Variants in COX7B2 observed in about 807,000 individuals in gnomAD.
COX7B2 encodes cytochrome c oxidase subunit 7B2.
For missense variants in COX7B2, 109 were observed against 95.9 expected (o/e 1.14, Z -0.57); for synonymous variants, 37 against 32.1 (o/e 1.15, Z -0.51).
rs554195417 is a variant in COX7B2, at chr4:46,743,166, A to G, written c.-49-7925T>C. ...TTATTTTGTTCATTATTAAACTTCA[A>G]GTAGGCCCAACACATTTCCTCAAAG... On this transcript the variant is annotated intron_variant, in intron 2 of 2. Coordinates refer to ENST00000355591, the MANE Select transcript of COX7B2 (RefSeq NM_130902.3). 1.8e-4 allele frequency among the ~76,000 whole-genome samples: 27 copies of G among 152,278 alleles called. No individual in the cohort carries two copies. In the South Asian group the frequency reaches 1.9e-3, roughly 11 times the overall value.
intron 2 of COX7B2, among the ~76,000 whole-genome samples, chr4:46,812,312 C>T (rs1245683095): frequency 6.6e-6 from 1 of 151,742 alleles, no homozygotes; most frequent in Non-Finnish European, 1.5e-5. Flanking sequence ...GTCCCAGGAG[C>T]TTGGATGTAG....
chr4:46,846,726 G>C lies in COX7B2; in HGVS notation c.-104-1712C>G, dbSNP rs1012219404. ...AGCCAGATGGTGTAGCTTTTACTGG[G>C]AATAAAACAGGAAGCATTTTTACAA... On this transcript the variant is annotated intron_variant, in intron 1 of 2. Coordinates refer to ENST00000355591, the MANE Select transcript of COX7B2 (RefSeq NM_130902.3). Among the ~76,000 whole-genome samples, 4 of 152,008 alleles carry C rather than the reference G, an allele frequency of 2.6e-5. No individual in the cohort carries two copies. In the South Asian group the frequency reaches 8.3e-4, roughly 31 times the overall value.
chr4:46,805,013 G>A (rs1281985649), intron 2 of COX7B2, among the ~76,000 whole-genome samples: 3 of 151,876 alleles, frequency 2.0e-5, no homozygotes, highest in Admixed American at 6.5e-5. Flanking sequence ...GCAAGAAGTC[G>A]AGCACAGCAG....
rs33927124 is a variant in COX7B2, at chr4:46,837,274, T to TACACAC, written c.-50+7680_-50+7685dup. Among the ~76,000 whole-genome samples the TACACAC allele has an allele frequency of 6.2e-3, 822 of 133,332 alleles. 5 individuals carry two copies. The highest frequency in any genetic ancestry group is 8.8e-3 in the African/African-American group (323 of 36,562). 87.5% of individuals were successfully genotyped at this position (133,332 alleles called of 152,430 possible). ...AATGTAGTATGAACACACAAAGACATACACACACACACACACACACACACA... is the reference window on the plus strand; with the variant it reads ...AATGTAGTATGAACACACAAAGACATACACACACACACACACACACACACACACACA... On this transcript the variant is annotated intron_variant, in intron 2 of 2. Transcript: ENST00000355591.
intron 2 of COX7B2, among the ~76,000 whole-genome samples, chr4:46,834,985 A>G (rs1319215801): frequency 6.6e-6 from 1 of 152,184 alleles, no homozygotes; most frequent in African/African-American, 2.4e-5. Flanking sequence ...ATAAACTGAT[A>G]ATTCATAAAA....
intron 2 of COX7B2, among the ~76,000 whole-genome samples, chr4:46,739,977 TTTTAA>T (rs1249874365): frequency 6.6e-6 from 1 of 152,092 alleles, no homozygotes; most frequent in Non-Finnish European, 1.5e-5. Flanking sequence ...CAATGAGAAT[TTTTAA>T]TTTATTAATA....
chr4:46,757,745 CT>C (rs1715888026), intron 2 of COX7B2, among the ~76,000 whole-genome samples: 1 of 152,082 alleles, frequency 6.6e-6, no homozygotes, highest in South Asian at 2.1e-4. Context: ...GTCTTATCCA[CT>C]GCTGTTCAGA....
At chr4:46,739,817 A>G (rs1171023968) in intron 2 of COX7B2, among the ~76,000 whole-genome samples, 8 of 152,036 alleles carry the variant, frequency 5.3e-5, no homozygotes, top group Non-Finnish European at 1.2e-4. Context: ...CAAATGCCCA[A>G]CAGATGAGCC....
At chr4:46,739,069 C>T (rs1483713696) in intron 2 of COX7B2, among the ~76,000 whole-genome samples, 3 of 151,990 alleles carry the variant, frequency 2.0e-5, no homozygotes, top group Admixed American at 2.0e-4. Flanking sequence ...TGAAGGCTAT[C>T]AAAAGAAGTA....
intron 1 of COX7B2, among the ~76,000 whole-genome samples, chr4:46,879,082 A>G (rs538860815): frequency 6.6e-6 from 1 of 152,202 alleles, no homozygotes; most frequent in African/African-American, 2.4e-5. Flanking sequence ...ATATCTGGAC[A>G]TAATGAACTA....
chr4:46,884,264 C>T (rs368429895), intron 1 of COX7B2, among the ~76,000 whole-genome samples: 6 of 152,138 alleles, frequency 3.9e-5, no homozygotes, highest in African/African-American at 1.4e-4. Context: ...CACCATAGCT[C>T]CCTGCAGCCT....
At chr4:46,874,805 G>A (rs572000126) in intron 1 of COX7B2, among the ~76,000 whole-genome samples, 89 of 152,208 alleles carry the variant, frequency 5.8e-4, no homozygotes, top group African/African-American at 2.0e-3. Flanking sequence ...TGATATTTTT[G>A]TAAGACTGAC....
At chr4:46,751,145 T>TA (rs1553879505) in intron 2 of COX7B2, among the ~76,000 whole-genome samples, 2 of 152,014 alleles carry the variant, frequency 1.3e-5, no homozygotes, top group Non-Finnish European at 2.9e-5. Flanking sequence ...ATTTTTTTTT[T>TA]AGTTTTGTTG....
intron 2 of COX7B2, among the ~76,000 whole-genome samples, chr4:46,799,738 C>T (rs923641420): frequency 1.3e-5 from 2 of 152,224 alleles, no homozygotes; most frequent in Admixed American, 1.3e-4. Flanking sequence ...TGATATGCTG[C>T]TGGATTAAAT....
At chr4:46,886,627 T>C (rs1454074667) in intron 1 of COX7B2, among the ~76,000 whole-genome samples, 2 of 152,174 alleles carry the variant, frequency 1.3e-5, no homozygotes, top group Admixed American at 6.5e-5. Context: ...TTGATATAAA[T>C]CTTAAAGTTT....
At chr4:46,838,991 G>A (rs934951547) in intron 2 of COX7B2, among the ~76,000 whole-genome samples, 8 of 151,722 alleles carry the variant, frequency 5.3e-5, no homozygotes, top group African/African-American at 1.2e-4. Flanking sequence ...TGCATTTAGC[G>A]CCTTTTCAAA....
intron 2 of COX7B2, among the ~76,000 whole-genome samples, chr4:46,841,533 C>T (rs1453298226): frequency 6.6e-6 from 1 of 151,866 alleles, no homozygotes; most frequent in Non-Finnish European, 1.5e-5. Context: ...CTTAGTAAGA[C>T]ATAATAATAT....
chr4:46,882,417 G>C (rs1205472871), intron 1 of COX7B2, among the ~76,000 whole-genome samples: 2 of 152,120 alleles, frequency 1.3e-5, no homozygotes, highest in Non-Finnish European at 2.9e-5. Flanking sequence ...CTATTATTGT[G>C]TGGGAATCTA....
chr4:46,750,920 CACAGACCCTATCTCCAAAT>C (rs2109430353), intron 2 of COX7B2, among the ~76,000 whole-genome samples: 1 of 152,264 alleles, frequency 6.6e-6, no homozygotes, highest in African/African-American at 2.4e-5. Flanking sequence ...ATCACCTCTT[CACAGACCCTATCTCCAAAT>C]ACAGACACAC....
Sources: allele counts gnomAD v4.1 joint callset (sites outside exome capture counted in the v4.1 genomes callset), GRCh38; gene constraint gnomAD v4.1.1; transcripts MANE v1.5; gene names NCBI Gene and HGNC (gene_info 2026-07-23, HGNC 2026-07-21).